The following FAM135B variants were observed in gnomAD, a reference collection of about 807,000 sequenced individuals.
The protein encoded by FAM135B is protein FAM135B.
Under a neutral mutation model 127.7 loss-of-function variants are expected in FAM135B, and 43 were observed. The observed-to-expected ratio is 0.34, with a 90% confidence interval of 0.26 to 0.43. The LOEUF is 0.43. Ranked by LOEUF, FAM135B falls within the 20% of genes least tolerant of loss-of-function variation. The probability of loss-of-function intolerance (pLI) is 1.00; values close to 1 mark genes in which losing one functional copy is unlikely to be tolerated. For synonymous variants in FAM135B, 670 were observed against 665.1 expected (o/e 1.01, Z -0.11); for missense variants, 1,558 against 1,725.6 (o/e 0.90, Z 1.72).
At chr8:138,351,044 C>T (rs1239773232) in intron 2 of FAM135B, among the ~76,000 whole-genome samples, 1 of 152,190 alleles carries the variant, frequency 6.6e-6, no homozygotes, top group East Asian at 1.9e-4. Context: ...AAACCCCCTT[C>T]AGTCCTGACA....
intron 7 of FAM135B, among the ~76,000 whole-genome samples, chr8:138,206,115 C>G (rs1433417764): frequency 1.7e-5 from 1 of 59,608 alleles, no homozygotes. Context: ...ATCACCTCCA[C>G]CTACACACAG....
chr8:138,175,258 C>T (rs570835569), intron 11 of FAM135B, among the ~76,000 whole-genome samples: 2 of 152,280 alleles, frequency 1.3e-5, no homozygotes, highest in Admixed American at 6.5e-5. Flanking sequence ...CCCTACTGCC[C>T]TCTGGCCCTC....
chr8:138,132,670 C>T lies in FAM135B; in HGVS notation c.4144G>A (p.Ala1382Thr). The T allele has an allele frequency of 3.1e-6, 5 of 1,614,106 alleles. No homozygotes were observed. Among genetic ancestry groups the T allele is most frequent in the Non-Finnish European group, 4.2e-6 (5 of 1,180,022 alleles). ...TCTGAATCCAGCACAGCGATGTGAG[C>T]GGCTCGGCCGATCAGGGTGTTGGCA... The part of the protein sequence containing the change: ...NTANTLIGRA[A>T]HIAVLDSELF... Residue 1382 changes from alanine to threonine, a missense_variant, in exon 20 of 20, where the codon GCT (alanine) becomes ACT (threonine). Transcript: ENST00000395297. This position sits in a 1 kb window ranked among gnomAD's most constrained non-coding sequence, Gnocchi z 4.5.
intron 2 of FAM135B, among the ~76,000 whole-genome samples, chr8:138,353,605 T>C (rs1829909559): frequency 6.6e-6 from 1 of 152,194 alleles, no homozygotes; most frequent in Non-Finnish European, 1.5e-5. Flanking sequence ...AAATTTAGAC[T>C]TCATAATACT....
intron 2 of FAM135B, among the ~76,000 whole-genome samples, chr8:138,331,934 C>T (rs1828210857): frequency 6.6e-6 from 1 of 152,250 alleles, no homozygotes; most frequent in South Asian, 2.1e-4. Context: ...CAGAACCACC[C>T]CTAACACCAA....
chr8:138,292,033 T>C (rs1226411537), intron 3 of FAM135B, among the ~76,000 whole-genome samples: 1 of 151,930 alleles, frequency 6.6e-6, no homozygotes, highest in Non-Finnish European at 1.5e-5. Flanking sequence ...AAAAATTCCA[T>C]CAAAAAACTG....
chr8:138,139,837 G>A (rs764863751), intron 17 of FAM135B, among the ~76,000 whole-genome samples: 1 of 152,208 alleles, frequency 6.6e-6, no homozygotes. Flanking sequence ...ATTGATGAGT[G>A]TAAGGATTAC....
At chr8:138,259,627 C>A (rs1017691623) in intron 4 of FAM135B, among the ~76,000 whole-genome samples, 2 of 152,202 alleles carry the variant, frequency 1.3e-5, no homozygotes, top group Non-Finnish European at 2.9e-5. Context: ...ATCCTGCACA[C>A]TGGTCACAAA....
intron 9 of FAM135B, among the ~76,000 whole-genome samples, chr8:138,180,081 G>C (rs951046221): frequency 6.6e-6 from 1 of 152,186 alleles, no homozygotes; most frequent in Non-Finnish European, 1.5e-5. Context: ...GGACAGAAAT[G>C]CTTTAGATAG....
intron 6 of FAM135B, among the ~76,000 whole-genome samples, chr8:138,244,591 A>G (rs898806682): frequency 2.0e-5 from 3 of 152,198 alleles, no homozygotes; most frequent in African/African-American, 4.8e-5. Flanking sequence ...CCACACATAT[A>G]ATAAAATAGA....
chr8:138,314,724 T>TAAA (rs56300482), intron 2 of FAM135B, among the ~76,000 whole-genome samples: 25,150 of 149,100 alleles, frequency 0.17, 2,730 homozygotes, highest in Non-Finnish European at 0.23. Flanking sequence ...AATAAATAAA[T>TAAA]TAGCTGGGTG....
intron 2 of FAM135B, among the ~76,000 whole-genome samples, chr8:138,325,406 A>G (rs749480898): frequency 1.3e-5 from 2 of 152,104 alleles, no homozygotes; most frequent in Non-Finnish European, 2.9e-5. Flanking sequence ...TTACACATCT[A>G]TCAGCACCAC....
intron 2 of FAM135B, among the ~76,000 whole-genome samples, chr8:138,322,478 G>A (rs529314633): frequency 2.6e-5 from 4 of 152,148 alleles, no homozygotes; most frequent in African/African-American, 7.2e-5. Flanking sequence ...TGAAAAGCCC[G>A]ATTAAATACT....
chr8:138,284,588 C>T (rs750830045), intron 3 of FAM135B, among the ~76,000 whole-genome samples: 19 of 151,808 alleles, frequency 1.3e-4, no homozygotes, highest in Non-Finnish European at 2.4e-4. Flanking sequence ...GCCTCCCTGG[C>T]CTGCCAGCCC....
At chr8:138,282,534 C>T (rs1458992566) in intron 3 of FAM135B, among the ~76,000 whole-genome samples, 1 of 152,136 alleles carries the variant, frequency 6.6e-6, no homozygotes, top group African/African-American at 2.4e-5. Flanking sequence ...TTAACAGACA[C>T]CTCGCCAAGA....
At chr8:138,448,804 A>C (rs1043440216) in intron 1 of FAM135B, among the ~76,000 whole-genome samples, 6 of 151,984 alleles carry the variant, frequency 3.9e-5, no homozygotes, top group Non-Finnish European at 8.8e-5. Flanking sequence ...AAAAAAAAAA[A>C]AGCTAGGAAT....
chr8:138,238,162 C>A (rs918230317), intron 7 of FAM135B, among the ~76,000 whole-genome samples: 8 of 152,308 alleles, frequency 5.3e-5, no homozygotes, highest in African/African-American at 1.9e-4. Context: ...TGTCTCACCA[C>A]AAGGCTGCAT....
At chr8:138,267,111 G>A (rs576328370) in intron 3 of FAM135B, among the ~76,000 whole-genome samples, 283 of 152,282 alleles carry the variant, frequency 1.9e-3, no homozygotes, top group Non-Finnish European at 3.1e-3. Flanking sequence ...GATTATATTT[G>A]GAGGAGGAGC....
At chr8:138,427,639 T>C (rs953699257) in intron 1 of FAM135B, among the ~76,000 whole-genome samples, 1 of 152,064 alleles carries the variant, frequency 6.6e-6, no homozygotes, top group Non-Finnish European at 1.5e-5. Flanking sequence ...TACATTAAGG[T>C]TAGGCCACTA....
Sources: allele counts gnomAD v4.1 joint callset (sites outside exome capture counted in the v4.1 genomes callset), GRCh38; gene constraint gnomAD v4.1.1; non-coding constraint Gnocchi (gnomAD v3.1); transcripts MANE v1.5; gene names NCBI Gene and HGNC (gene_info 2026-07-23, HGNC 2026-07-21).